The following DGKB variants were observed in gnomAD, a reference collection of about 807,000 sequenced individuals.
DGKB encodes 90 kDa diacylglycerol kinase.
A neutral mutation model predicts 114.3 loss-of-function variants in DGKB; 67 were observed. The ratio of observed to expected loss-of-function variants is 0.59; its 90% confidence interval spans 0.48 to 0.72. The LOEUF (loss-of-function observed/expected upper bound fraction) is 0.72, where lower values mean the gene tolerates loss of function less well. Ranked by LOEUF, DGKB falls within the 30% of genes least tolerant of loss-of-function variation. The pLI is 0.00. For missense variants in DGKB, 907 were observed against 975.2 expected (o/e 0.93, Z 0.93); for synonymous variants, 398 against 323.1 (o/e 1.23, Z -2.49).
chr7:14,368,478 A>C lies in DGKB; in HGVS notation c.1836-23087T>G, dbSNP rs76426584. Among the ~76,000 whole-genome samples the C allele has an allele frequency of 2.4e-3, 364 of 152,264 alleles. 3 individuals are homozygous for C. The highest frequency in any genetic ancestry group is 7.6e-3 in the African/African-American group (317 of 41,546). ...AGAAAGTGCCCACTAACAATAGCCAACATTAGCATTAATCATCAGCTTGAG... is the reference window on the plus strand; with the variant it reads ...AGAAAGTGCCCACTAACAATAGCCACCATTAGCATTAATCATCAGCTTGAG... On this transcript the variant is annotated intron_variant, in intron 21 of 25. Coordinates refer to ENST00000402815, the MANE Select transcript of DGKB (RefSeq NM_001350709.2).
chr7:14,573,257 A>C (rs1385504866), intron 20 of DGKB, among the ~76,000 whole-genome samples: 1 of 152,176 alleles, frequency 6.6e-6, no homozygotes, highest in Non-Finnish European at 1.5e-5. Flanking sequence ...TTTAGCCTTC[A>C]TCATGTACCA....
intron 25 of DGKB, among the ~76,000 whole-genome samples, chr7:14,161,165 A>G (rs62443530): frequency 0.36 from 54,189 of 152,070 alleles, 10,749 homozygotes; most frequent in South Asian, 0.52. Flanking sequence ...AGGAAACAAC[A>G]GATGCTGGAG....
intron 1 of DGKB, among the ~76,000 whole-genome samples, chr7:14,961,837 A>G (rs1183079059): frequency 6.6e-6 from 1 of 151,990 alleles, no homozygotes; most frequent in African/African-American, 2.4e-5. Context: ...TTACTCTCCA[A>G]TAAACTTTGC....
At chr7:14,716,068 A>T (rs1029700036) in intron 6 of DGKB, among the ~76,000 whole-genome samples, 4 of 152,226 alleles carry the variant, frequency 2.6e-5, no homozygotes, top group African/African-American at 9.6e-5. Flanking sequence ...CAACAGTGTA[A>T]TTCGTTTATC....
intron 20 of DGKB, among the ~76,000 whole-genome samples, chr7:14,554,107 C>T (rs565033047): frequency 1.3e-5 from 2 of 151,984 alleles, no homozygotes; most frequent in South Asian, 4.2e-4. Flanking sequence ...CTCCTGACCT[C>T]GTGATCTGCC....
chr7:14,285,751 TTATA>T (rs1319379385), intron 23 of DGKB, among the ~76,000 whole-genome samples: 1 of 152,162 alleles, frequency 6.6e-6, no homozygotes, highest in Non-Finnish European at 1.5e-5. Context: ...TAGGAAGATG[TTATA>T]TAAATGATTT....
At chr7:14,775,983 A>C (rs765267354) in intron 2 of DGKB, among the ~76,000 whole-genome samples, 14 of 152,068 alleles carry the variant, frequency 9.2e-5, no homozygotes, top group Non-Finnish European at 4.4e-5. Flanking sequence ...CTTTCCAGAG[A>C]CTTGTGGAAT....
chr7:14,528,647 C>A (rs932758590), intron 20 of DGKB, among the ~76,000 whole-genome samples: 27 of 151,788 alleles, frequency 1.8e-4, no homozygotes, highest in Admixed American at 2.0e-4. Context: ...AATACACATT[C>A]TATGGAGTGA....
At chr7:14,733,923 A>C (rs1831310097) in intron 5 of DGKB, among the ~76,000 whole-genome samples, 2 of 151,964 alleles carry the variant, frequency 1.3e-5, no homozygotes, top group African/African-American at 4.8e-5. Flanking sequence ...ATATTGTCTA[A>C]GTTTCATTTA....
At chr7:14,602,815 C>T (rs932836877) in intron 17 of DGKB, among the ~76,000 whole-genome samples, 4 of 152,184 alleles carry the variant, frequency 2.6e-5, no homozygotes, top group African/African-American at 9.7e-5. Context: ...AAAGCACACA[C>T]ACAAATACGA....
rs72332026 is a variant in DGKB at position 14,922,386 on chromosome 7, G to GTGTA, written c.-188+52309_-188+52310insTACA. Among the ~76,000 whole-genome samples the GTGTA allele has an allele frequency of 6.8e-3, 1,014 of 149,376 alleles. 10 individuals are homozygous for GTGTA. Among genetic ancestry groups the GTGTA allele is most frequent in the Middle Eastern group, 0.021 (6 of 290 alleles). The stretch of plus-strand genomic sequence containing the variant: ...ATATGTGTATCCATCGTGTGTGTGT[G>GTGTA]TGTGTGTGTGTGTGTGTGTGTGTGT... On this transcript the variant is annotated intron_variant, in intron 1 of 4. Coordinates refer to the DGKB transcript ENST00000437998.
At chr7:14,482,626 G>C (rs1650052470) in intron 20 of DGKB, among the ~76,000 whole-genome samples, 1 of 152,006 alleles carries the variant, frequency 6.6e-6, no homozygotes, top group South Asian at 2.1e-4. Context: ...TTCTCACTAA[G>C]AAACTATAAA....
intron 23 of DGKB, among the ~76,000 whole-genome samples, chr7:14,277,442 G>A (rs1799195788): frequency 6.6e-6 from 1 of 152,070 alleles, no homozygotes; most frequent in Non-Finnish European, 1.5e-5. Context: ...CAAAGTGCTG[G>A]GATTACAGGC....
At chr7:14,315,395 G>A (rs1345658786) in intron 23 of DGKB, among the ~76,000 whole-genome samples, 31 of 149,548 alleles carry the variant, frequency 2.1e-4, no homozygotes, top group Admixed American at 8.7e-4. Context: ...CCCATCTCAC[G>A]TGCAGAGACA....
rs1160988280 is a variant in DGKB at position 14,438,372 on chromosome 7, A to G, written c.1835+39789T>C. On this transcript the variant is annotated intron_variant, in intron 21 of 25. Transcript: ENST00000402815. ...ACGTCACATTTGGAGGACTCAGCACAGAATCCACCGAAAACATTTTGTTAA... is the reference window on the plus strand; with the variant it reads ...ACGTCACATTTGGAGGACTCAGCACGGAATCCACCGAAAACATTTTGTTAA... Among the ~76,000 whole-genome samples, 8 of 152,134 alleles carry G rather than the reference A, an allele frequency of 5.3e-5. No individual in the cohort carries two copies. In the East Asian group the frequency reaches 1.5e-3, roughly 29 times the overall value.
rs925679480 is a variant in DGKB, at chr7:14,842,053, T to C, written c.-187-603A>G. On this transcript the variant is annotated intron_variant, in intron 1 of 25. Coordinates refer to ENST00000402815, the MANE Select transcript of DGKB (RefSeq NM_001350709.2). ...TAGGTTGTCATGGACCTACATTCACTGGCTATATCTGTAAAGGCAAACAAA... is the reference window on the plus strand; with the variant it reads ...TAGGTTGTCATGGACCTACATTCACCGGCTATATCTGTAAAGGCAAACAAA... Among the ~76,000 whole-genome samples the C allele has an allele frequency of 1.2e-4, 18 of 152,356 alleles. 2 individuals carry two copies. In the South Asian group the frequency reaches 1.2e-3, roughly 11 times the overall value.
chr7:14,253,545 C>T (rs1795547417), intron 23 of DGKB, among the ~76,000 whole-genome samples: 1 of 152,192 alleles, frequency 6.6e-6, no homozygotes, highest in South Asian at 2.1e-4. Flanking sequence ...GAAATAACTA[C>T]AGCTTCCTAT....
chr7:14,422,805 T>C (rs891320699), intron 21 of DGKB, among the ~76,000 whole-genome samples: 5 of 152,010 alleles, frequency 3.3e-5, no homozygotes, highest in African/African-American at 1.2e-4. Context: ...ATAATAATAG[T>C]AGTAGTAATA....
intron 4 of DGKB, among the ~76,000 whole-genome samples, chr7:14,747,318 C>A (rs1246906161): frequency 6.6e-6 from 1 of 151,616 alleles, no homozygotes; most frequent in African/African-American, 2.4e-5. Context: ...TCATCCTCCC[C>A]AGTATCTGGG....
Sources: allele counts gnomAD v4.1 joint callset (sites outside exome capture counted in the v4.1 genomes callset), GRCh38; gene constraint gnomAD v4.1.1; transcripts MANE v1.5; gene names NCBI Gene and HGNC (gene_info 2026-07-23, HGNC 2026-07-21).